PYY: variants seen among roughly 807,000 people sequenced by gnomAD.
The protein encoded by PYY is peptide YY, also known as peptide tyrosine tyrosine.
PYY carries 12 observed loss-of-function variants against 10.3 expected under a neutral mutation model. The observed-to-expected ratio is 1.17, with a 90% CI of 0.75 to 1.89. The LOEUF is 1.89. Among genes scored for constraint, PYY ranks in the 40% most tolerant of loss-of-function variants. PYY has a pLI of 0.00. For synonymous variants in PYY, 66 were observed against 62.0 expected (o/e 1.06, Z -0.30); for missense variants, 141 against 134.0 (o/e 1.05, Z -0.26).
intron 1 of PYY, among the ~76,000 whole-genome samples, chr17:43,989,809 TAAAAAAAA>T (rs1174890162): frequency 0.053 from 554 of 10,446 alleles, 75 homozygotes; most frequent in Non-Finnish European, 0.067. Context: ...GCTGTCTCTT[TAAAAAAAA>T]AAAAAAAAAA....
chr17:43,989,117 G>C (rs377144341), intron 1 of PYY, among the ~76,000 whole-genome samples: 11 of 151,756 alleles, frequency 7.2e-5, no homozygotes, highest in African/African-American at 2.7e-4. Flanking sequence ...GCTCACGCCT[G>C]TAATCCCAAG....
chr17:43,990,314 C>CG (rs1239557621), intron 1 of PYY, among the ~76,000 whole-genome samples: 3 of 151,674 alleles, frequency 2.0e-5, no homozygotes, highest in African/African-American at 7.3e-5. Context: ...TGGCACACAC[C>CG]TGTAATCTCA....
chr17:43,960,532 CAAAAAAAAAAAA>C (rs1170040925), intron 2 of PYY, among the ~76,000 whole-genome samples: 1 of 59,000 alleles, frequency 1.7e-5, no homozygotes, highest in Non-Finnish European at 2.8e-5. Flanking sequence ...GACTTTGTCT[CAAAAAAAAAAAA>C]AAAAAAAAAA....
At chr17:43,965,017 G>A (rs1382181867) in intron 2 of PYY, among the ~76,000 whole-genome samples, 1 of 152,198 alleles carries the variant, frequency 6.6e-6, no homozygotes, top group Non-Finnish European at 1.5e-5. Context: ...ATAAACACCC[G>A]TCAGTCCTGA....
intron 1 of PYY, among the ~76,000 whole-genome samples, chr17:43,986,273 G>A (rs2048915444): frequency 6.6e-6 from 1 of 152,022 alleles, no homozygotes; most frequent in South Asian, 2.1e-4. Context: ...CAAAAAAAAA[G>A]AAAAGAAAAG....
At chr17:43,964,784 C>G (rs941494698) in intron 2 of PYY, among the ~76,000 whole-genome samples, 2 of 151,800 alleles carry the variant, frequency 1.3e-5, no homozygotes, top group African/African-American at 4.8e-5. Flanking sequence ...GTCTGGGCAA[C>G]AAGAGTGAAA....
chr17:43,989,648 G>A (rs1002505515), intron 1 of PYY, among the ~76,000 whole-genome samples: 2 of 150,620 alleles, frequency 1.3e-5, no homozygotes, highest in Non-Finnish European at 3.0e-5. Context: ...ATATGACAAA[G>A]GGTTAATACA....
chr17:43,977,310 G>A (rs546849564), intron 1 of PYY, among the ~76,000 whole-genome samples: 1 of 152,276 alleles, frequency 6.6e-6, no homozygotes, highest in Non-Finnish European at 1.5e-5. Context: ...TATCAGAGAG[G>A]AGGGTGGAAG....
chr17:43,989,525 A>G (rs1315754973), intron 1 of PYY, among the ~76,000 whole-genome samples: 1 of 152,032 alleles, frequency 6.6e-6, no homozygotes, highest in Non-Finnish European at 1.5e-5. Flanking sequence ...CCACATCCTC[A>G]CAACACTTGT....
upstream of PYY, among the ~76,000 whole-genome samples, chr17:43,955,080 G>T (rs754464727): frequency 4.6e-5 from 7 of 152,178 alleles, no homozygotes; most frequent in Non-Finnish European, 8.8e-5. Flanking sequence ...CCATTGGGGC[G>T]CCAGAGGCAG....
chr17:44,004,256 C>T (rs1407268903), intron 1 of PYY: 1 of 124,636 alleles, frequency 8.0e-6, no homozygotes, highest in Non-Finnish European at 1.6e-5. Flanking sequence ...CCCCCTTCTT[C>T]TACTCTTTCC....
In PYY at chr17:43,996,272, G is replaced by C. The variant is rs190280959; in HGVS notation, c.-463+8119C>G. ...AGAGACCACTCTGAGACTACGTGGA[G>C]AGAGAGAGAGAGATGCTTGTCCAGC... On this transcript the variant is annotated intron_variant, in intron 1 of 6. Coordinates refer to the PYY transcript ENST00000360085. 2.7e-3 allele frequency among the ~76,000 whole-genome samples: 402 copies of C among 150,866 alleles called. 4 individuals carry two copies. Among genetic ancestry groups the C allele is most frequent in the African/African-American group, 9.1e-3 (375 of 41,370 alleles).
upstream of PYY, among the ~76,000 whole-genome samples, chr17:43,956,902 A>G (rs1451252391): frequency 1.4e-5 from 2 of 142,916 alleles, no homozygotes; most frequent in Non-Finnish European, 3.0e-5. Flanking sequence ...AGGTTGTCAT[A>G]CAGCAAGTGT....
chr17:43,953,734 C>T, intron 1 of PYY, 116 bp downstream of exon 1: 1 of 377,876 alleles, frequency 2.6e-6, no homozygotes, highest in Non-Finnish European at 4.7e-6. Context: ...TTCCCACCTC[C>T]GATGGCCCCC....
chr17:43,990,678 C>T (rs971061311), intron 1 of PYY, among the ~76,000 whole-genome samples: 6 of 151,992 alleles, frequency 3.9e-5, no homozygotes, highest in African/African-American at 1.4e-4. Context: ...CATCATAAAT[C>T]TCTAATAACA....
chr17:43,970,620 T>C (rs2048786016), intron 1 of PYY, among the ~76,000 whole-genome samples: 1 of 152,154 alleles, frequency 6.6e-6, no homozygotes, highest in African/African-American at 2.4e-5. Context: ...AATTGATTTT[T>C]GACCAAAGTG....
At chr17:43,996,830 G>A (rs1368333179) in intron 1 of PYY, among the ~76,000 whole-genome samples, 2 of 152,044 alleles carry the variant, frequency 1.3e-5, no homozygotes, top group Non-Finnish European at 2.9e-5. Context: ...TGGAACTACA[G>A]GCGCACACCA....
intron 1 of PYY, among the ~76,000 whole-genome samples, chr17:43,992,563 C>T (rs533506059): frequency 9.2e-5 from 14 of 152,052 alleles, no homozygotes; most frequent in South Asian, 6.2e-4. Context: ...CAAAATTAGC[C>T]GGGTGTGGTG....
At position 43,999,039 on chromosome 17, in the gene PYY, G is replaced by C. The variant is rs569088480; in HGVS notation, c.-463+5352C>G. On this transcript the variant is annotated intron_variant, in intron 1 of 6. Transcript: ENST00000360085. ...AGGATCCCGAGAGAGAGAAAGTAGA[G>C]AAAAGGACCAAGGCCTGAGCTCTGT... Among the ~76,000 whole-genome samples the C allele has an allele frequency of 9.3e-4, 142 of 152,174 alleles. 1 individual carries two copies. Among genetic ancestry groups the C allele is most frequent in the African/African-American group, 3.2e-3 (133 of 41,448 alleles).
Sources: allele counts gnomAD v4.1 joint callset (sites outside exome capture counted in the v4.1 genomes callset), GRCh38; gene constraint gnomAD v4.1.1; transcripts MANE v1.5; gene names NCBI Gene and HGNC (gene_info 2026-07-23, HGNC 2026-07-21).